Variants in CIRSR observed in about 807,000 individuals in gnomAD.
CIRSR encodes CBF1 (RBPJ) interacting corepressor 1.
the CIRSR span, among the ~76,000 whole-genome samples, chr2:174,382,592 T>C: frequency 1.3e-5 from 2 of 152,072 alleles, no homozygotes; most frequent in African/African-American, 4.8e-5. Flanking sequence ...TGAGCCGAGA[T>C]CGTGCCACTG....
chr2:174,384,389 C>A, the CIRSR span, among the ~76,000 whole-genome samples: 3 of 152,108 alleles, frequency 2.0e-5, no homozygotes, highest in Non-Finnish European at 4.4e-5. Context: ...GGGAATTATT[C>A]TTTAATGGTT....
the CIRSR span, among the ~76,000 whole-genome samples, chr2:174,377,009 C>G: frequency 6.6e-6 from 1 of 151,956 alleles, no homozygotes; most frequent in Non-Finnish European, 1.5e-5. Context: ...AAAATCAAGT[C>G]TACTGATTAT....
chr2:174,378,618 T>G, the CIRSR span: 10 of 343,870 alleles, frequency 2.9e-5, no homozygotes, highest in South Asian at 2.7e-4. Context: ...AAATAAGCAT[T>G]TTTTCCTTCC....
chr2:174,370,443 G>A, the CIRSR span, among the ~76,000 whole-genome samples: 2 of 152,050 alleles, frequency 1.3e-5, no homozygotes, highest in East Asian at 3.8e-4. Context: ...GTTTGCTTGG[G>A]GAAAAGAATT....
At chr2:174,363,631 C>T in the CIRSR span, among the ~76,000 whole-genome samples, 4 of 152,160 alleles carry the variant, frequency 2.6e-5, no homozygotes, top group Non-Finnish European at 5.9e-5. Flanking sequence ...TATAGTTCCA[C>T]GTGGCTGGGG....
chr2:174,374,065 T>G, the CIRSR span, among the ~76,000 whole-genome samples: 1 of 152,238 alleles, frequency 6.6e-6, no homozygotes, highest in East Asian at 1.9e-4. Flanking sequence ...CACAAAATAC[T>G]TAAGTGAACC....
the CIRSR span, among the ~76,000 whole-genome samples, chr2:174,368,566 C>G: frequency 1.3e-5 from 2 of 152,158 alleles, no homozygotes; most frequent in Non-Finnish European, 2.9e-5. Context: ...CATCAGTAAT[C>G]CCAGCACTTT....
chr2:174,356,644 G>T, the CIRSR span, among the ~76,000 whole-genome samples: 1 of 151,632 alleles, frequency 6.6e-6, no homozygotes, highest in Non-Finnish European at 1.5e-5. Flanking sequence ...AAGGAAAGAG[G>T]ACAGACTGAC....
the CIRSR span, among the ~76,000 whole-genome samples, chr2:174,375,773 TG>T: frequency 6.6e-6 from 1 of 152,254 alleles, no homozygotes; most frequent in Non-Finnish European, 1.5e-5. Flanking sequence ...ATATGTTTAA[TG>T]GTCATCTGAA....
the CIRSR span, among the ~76,000 whole-genome samples, chr2:174,370,557 G>A: frequency 2.0e-5 from 3 of 152,178 alleles, no homozygotes; most frequent in Non-Finnish European, 2.9e-5. Context: ...TTGTGGGTTA[G>A]AAACTTTAAT....
chr2:174,377,184 C>T, the CIRSR span, among the ~76,000 whole-genome samples: 1 of 152,048 alleles, frequency 6.6e-6, no homozygotes, highest in East Asian at 1.9e-4. Context: ...AAGATGCAAC[C>T]CTTTCCAGAA....
chr2:174,355,218 G>A, the CIRSR span, among the ~76,000 whole-genome samples: 21 of 152,246 alleles, frequency 1.4e-4, no homozygotes, highest in East Asian at 1.9e-3. Context: ...TTACAGATAC[G>A]TTGATAAAAT....
At chr2:174,356,113 T>C in the CIRSR span, among the ~76,000 whole-genome samples, 6 of 152,218 alleles carry the variant, frequency 3.9e-5, no homozygotes, top group East Asian at 1.2e-3. Flanking sequence ...TACAATTTTA[T>C]GGTATTAAGT....
chr2:174,354,505 T>C, the CIRSR span, among the ~76,000 whole-genome samples: 3 of 18,180 alleles, frequency 1.7e-4, no homozygotes, highest in African/African-American at 2.9e-4. Context: ...AATTATATTA[T>C]ATATATCATA....
chr2:174,378,464 A>G, the CIRSR span, among the ~76,000 whole-genome samples: 1 of 152,254 alleles, frequency 6.6e-6, no homozygotes, highest in Non-Finnish European at 1.5e-5. Flanking sequence ...TCTGAAGTAG[A>G]CAGTAATATG....
At chr2:174,351,787 A>T in the CIRSR span, 2 of 1,295,460 alleles carry the variant, frequency 1.5e-6, no homozygotes. Flanking sequence ...TTCGGACTCC[A>T]CAGTAGGAAT....
At chr2:174,348,792 G>C in the CIRSR span, 9 of 1,614,046 alleles carry the variant, frequency 5.6e-6, no homozygotes, top group Non-Finnish European at 7.6e-6. Context: ...GTCAGAATCA[G>C]AATGGCTCCA....
At chr2:174,368,839 T>G in the CIRSR span, among the ~76,000 whole-genome samples, 4 of 152,358 alleles carry the variant, frequency 2.6e-5, no homozygotes, top group African/African-American at 9.6e-5. Flanking sequence ...GCTTAAAATC[T>G]TCAGTAAATC....
the CIRSR span, chr2:174,387,463 T>C: frequency 2.8e-5 from 12 of 425,886 alleles, no homozygotes; most frequent in Non-Finnish European, 5.0e-5. Flanking sequence ...TCAAAGACTG[T>C]ATATGAGTCA....
Sources: allele counts gnomAD v4.1 joint callset (sites outside exome capture counted in the v4.1 genomes callset), GRCh38; gene constraint gnomAD v4.1.1; transcripts MANE v1.5; gene names NCBI Gene and HGNC (gene_info 2026-07-23, HGNC 2026-07-21).